Variants in GCNT2 observed in about 807,000 individuals in gnomAD.
GCNT2 encodes the protein N-acetyllactosaminide beta-1,6-N-acetylglucosaminyl-transferase.
In GCNT2, 34 loss-of-function variants were observed where a neutral mutation model predicts 34.2. That is an observed-to-expected ratio of 1.00 (90% CI 0.76 to 1.32). The LOEUF is 1.32. GCNT2 is among the 40% of genes most tolerant of loss of function. The pLI, the probability that GCNT2 is intolerant of heterozygous loss-of-function variation, is 0.00. For missense variants in GCNT2, 584 were observed against 489.4 expected (o/e 1.19, Z -1.82); for synonymous variants, 212 against 188.0 (o/e 1.13, Z -1.04).
chr6:10,548,037 C>T (rs1762341495), intron 3 of GCNT2, among the ~76,000 whole-genome samples: 1 of 152,184 alleles, frequency 6.6e-6, no homozygotes, highest in Non-Finnish European at 1.5e-5. Flanking sequence ...TAACCTGCCC[C>T]AGTCTTGCAA....
intron 3 of GCNT2, among the ~76,000 whole-genome samples, chr6:10,544,124 G>A (rs1170873070): frequency 6.6e-6 from 1 of 151,926 alleles, no homozygotes; most frequent in East Asian, 1.9e-4. Flanking sequence ...GACCAGCCTG[G>A]CCAATATGGC....
intron 3 of GCNT2, among the ~76,000 whole-genome samples, chr6:10,554,502 A>G (rs1762608409): frequency 6.6e-6 from 1 of 152,354 alleles, no homozygotes; most frequent in East Asian, 1.9e-4. Flanking sequence ...TAATGTAAAC[A>G]GACTCTGTTG....
chr6:10,569,235 C>CACACACACACACACA (rs1554131675), intron 3 of GCNT2, among the ~76,000 whole-genome samples: 2 of 47,462 alleles, frequency 4.2e-5, no homozygotes, highest in African/African-American at 1.1e-4. Flanking sequence ...ACTCCCCCCG[C>CACACACACACACACA]CACACACACA....
At chr6:10,556,422 G>A in intron 3 of GCNT2, 1 of 1,613,684 alleles carries the variant, frequency 6.2e-7, no homozygotes, top group Non-Finnish European at 8.5e-7. Context: ...CTTCTTTGAG[G>A]CATGCCTTTA....
At position 10,528,751 on chromosome 6, in the gene GCNT2, A is replaced by G; in HGVS notation, c.-161A>G. On this transcript the variant is annotated 5_prime_UTR_variant, in exon 3 of 5. Transcript: ENST00000495262. ...TAAGTGAAGAGGGGAAGAAGAAAGA[A>G]AAAGGACCAGAACCGTGAACTGAAG... 1.5e-6 allele frequency: 1 copy of G among 666,864 alleles called. No homozygotes were observed. Among genetic ancestry groups the G allele is most frequent in the Non-Finnish European group, 2.7e-6 (1 of 375,796 alleles). 41.3% of individuals were successfully genotyped at this position (666,864 alleles called of 1,614,324 possible).
intron 1 of GCNT2, among the ~76,000 whole-genome samples, chr6:10,525,620 A>C: frequency 6.6e-6 from 1 of 152,324 alleles, no homozygotes; most frequent in Admixed American, 6.5e-5. Flanking sequence ...GGTTGATGAA[A>C]AAGGAAATAG....
intron 3 of GCNT2, among the ~76,000 whole-genome samples, chr6:10,599,552 G>A (rs957530710): frequency 1.3e-5 from 2 of 152,170 alleles, no homozygotes; most frequent in African/African-American, 4.8e-5. Flanking sequence ...AATTAGACAT[G>A]AGGCCATGTA....
intron 3 of GCNT2, among the ~76,000 whole-genome samples, chr6:10,578,051 T>C (rs116175904): frequency 1.1e-3 from 172 of 152,242 alleles, no homozygotes; most frequent in Non-Finnish European, 1.7e-3. Flanking sequence ...TCAAGAAATA[T>C]CTGTTGGGTA....
intron 3 of GCNT2, among the ~76,000 whole-genome samples, chr6:10,611,851 TACAA>T (rs1176922875): frequency 1.3e-5 from 2 of 152,176 alleles, no homozygotes; most frequent in Non-Finnish European, 1.5e-5. Context: ...ATAAAAGCAA[TACAA>T]CATTAAAGAA....
chr6:10,579,826 C>CAAACA lies in GCNT2; in HGVS notation c.926-41522_926-41521insCAAAA, dbSNP rs1477297545. ...GCGAGACTCCATCTCAAAAAACAAA[C>CAAACA]AAAAAAAAAAAAAAAAAAAAAACAA... On this transcript the variant is annotated intron_variant, in intron 3 of 4. Coordinates refer to ENST00000495262, the MANE Select transcript of GCNT2 (RefSeq NM_145649.5). Among the ~76,000 whole-genome samples the CAAACA allele has an allele frequency of 1.0e-2, 897 of 89,874 alleles. 7 individuals are homozygous for CAAACA. Among genetic ancestry groups the CAAACA allele is most frequent in the African/African-American group, 0.041 (862 of 20,834 alleles). The allele number at this position is 89,874 out of a possible 152,430, so 59.0% of individuals were successfully genotyped here. A position where few individuals can be genotyped will look rare whatever the true frequency, so the allele number is the denominator to read the frequency against.
chr6:10,569,245 A>ACACC lies in GCNT2; in HGVS notation c.925+39412_925+39413insCCAC, dbSNP rs542776262. Among the ~76,000 whole-genome samples, 898 of 143,236 alleles carry ACACC rather than the reference A, an allele frequency of 6.3e-3. 27 individuals carry two copies. The highest frequency in any genetic ancestry group is 0.022 in the African/African-American group (842 of 37,830). The allele number at this position is 143,236 out of a possible 152,430, so 94.0% of individuals were successfully genotyped here. A position where few individuals can be genotyped will look rare whatever the true frequency, so the allele number is the denominator to read the frequency against. On this transcript the variant is annotated intron_variant, in intron 3 of 4. Transcript: ENST00000495262. ...CACCCACTCCCCCCGCCACACACAC[A>ACACC]CACACACACACACACACACACACAC...
intron 3 of GCNT2, among the ~76,000 whole-genome samples, chr6:10,579,328 AT>A (rs1454690932): frequency 1.3e-5 from 2 of 152,216 alleles, no homozygotes; most frequent in African/African-American, 4.8e-5. Context: ...TCAGAAATGC[AT>A]TTTTAAATAG....
At chr6:10,537,526 C>G (rs1475058093) in intron 3 of GCNT2, among the ~76,000 whole-genome samples, 1 of 151,814 alleles carries the variant, frequency 6.6e-6, no homozygotes, top group Non-Finnish European at 1.5e-5. Flanking sequence ...CATGGTGAAA[C>G]CCTGTCTCTA....
chr6:10,598,975 G>C (rs1000459595), intron 3 of GCNT2, among the ~76,000 whole-genome samples: 5 of 152,174 alleles, frequency 3.3e-5, no homozygotes, highest in Non-Finnish European at 7.3e-5. Flanking sequence ...GTAAATAAGT[G>C]TTGTATTTAT....
chr6:10,540,356 A>G (rs766413095), intron 3 of GCNT2, among the ~76,000 whole-genome samples: 2 of 148,826 alleles, frequency 1.3e-5, no homozygotes, highest in African/African-American at 2.6e-5. Flanking sequence ...TTTGTTCTGG[A>G]ATACTCTTTA....
At chr6:10,533,330 T>G (rs1166748044) in intron 3 of GCNT2, among the ~76,000 whole-genome samples, 1 of 151,722 alleles carries the variant, frequency 6.6e-6, no homozygotes, top group Non-Finnish European at 1.5e-5. Context: ...AAAAAAAAAT[T>G]AGTCCAGAAA....
intron 3 of GCNT2, among the ~76,000 whole-genome samples, chr6:10,578,697 T>G (rs1290236065): frequency 6.6e-6 from 1 of 152,070 alleles, no homozygotes; most frequent in South Asian, 2.1e-4. Context: ...CCGCCTGCCT[T>G]GGCCTCCCAA....
intron 3 of GCNT2, among the ~76,000 whole-genome samples, chr6:10,542,745 C>G (rs1762090957): frequency 6.6e-6 from 1 of 152,042 alleles, no homozygotes; most frequent in African/African-American, 2.4e-5. Flanking sequence ...ATTTTTTCAT[C>G]CATTGATGGA....
rs148445582 is a variant in GCNT2 at position 10,527,513 on chromosome 6, C to T, written c.-429C>T. The T allele has an allele frequency of 3.9e-5, 6 of 152,304 alleles. No individual in the cohort carries two copies. Among genetic ancestry groups the T allele is most frequent in the South Asian group, 2.1e-4 (1 of 4,822 alleles). The allele number at this position is 152,304 out of a possible 1,614,324, so 9.4% of individuals were successfully genotyped here. A position where few individuals can be genotyped will look rare whatever the true frequency, so the allele number is the denominator to read the frequency against. On this transcript the variant is annotated 5_prime_UTR_variant, in exon 2 of 5. Coordinates refer to ENST00000495262, the MANE Select transcript of GCNT2 (RefSeq NM_145649.5). ...CAGAAACATGAGGAATACATGAGCT[C>T]GGCGCCAATGGAACATGCTTTCACA...
Sources: allele counts gnomAD v4.1 joint callset (sites outside exome capture counted in the v4.1 genomes callset), GRCh38; gene constraint gnomAD v4.1.1; transcripts MANE v1.5; gene names NCBI Gene and HGNC (gene_info 2026-07-23, HGNC 2026-07-21).